The following SPAG17 variants were observed in gnomAD, a reference collection of about 807,000 sequenced individuals.
SPAG17 encodes sperm associated antigen 17.
SPAG17 carries 169 observed loss-of-function variants against 273.6 expected under a neutral mutation model. The ratio of observed to expected loss-of-function variants is 0.62; its 90% CI spans 0.55 to 0.70. The LOEUF is 0.70. Among genes scored for constraint, SPAG17 ranks in the 30% least tolerant of loss-of-function variants. The pLI is 0.00. For missense variants in SPAG17, 2,557 were observed against 2,627.8 expected (o/e 0.97, Z 0.59); for synonymous variants, 825 against 873.2 (o/e 0.94, Z 0.97).
At chr1:118,060,329 T>C (rs560572694) in intron 18 of SPAG17, among the ~76,000 whole-genome samples, 2 of 152,242 alleles carry the variant, frequency 1.3e-5, no homozygotes, top group African/African-American at 4.8e-5. Flanking sequence ...TTCCATTTTT[T>C]AGAGATGTGG....
At chr1:118,040,041 T>C (rs2101921605) in intron 22 of SPAG17, among the ~76,000 whole-genome samples, 1 of 152,278 alleles carries the variant, frequency 6.6e-6, no homozygotes, top group Non-Finnish European at 1.5e-5. Context: ...TGTTAAATGG[T>C]TTTGCAACTT....
rs764382675 is a variant in SPAG17, at chr1:118,039,409, T to A, written c.3202A>T (p.Asn1068Tyr). 1.2e-6 allele frequency: 2 copies of A among 1,613,570 alleles called. No individual in the cohort carries two copies. The highest frequency in any genetic ancestry group is 2.2e-5 in the South Asian group (2 of 91,060). ...TFIKVRVVKD[N>Y]HNFMIHLNDP... ...TTTAAATGAATCATAAAATTGTGGT[T>A]GTCCTTTACCACTCTCACTTTGATA... is the stretch of plus-strand genomic sequence containing the variant. Residue 1068 changes from asparagine to tyrosine, a missense_variant, in exon 23 of 49, where the codon AAC becomes TAC. By Grantham distance (143) the Asn-to-Tyr change is moderately radical. Transcript: ENST00000336338.
chr1:118,053,976 T>A (rs1392226844), intron 20 of SPAG17, 26 bp downstream of exon 20: 1 of 1,565,320 alleles, frequency 6.4e-7, no homozygotes, highest in Admixed American at 1.7e-5. Context: ...TTGCCTGTTT[T>A]TTAAACTTTA....
chr1:118,031,844 T>A lies in SPAG17; in HGVS notation c.3457A>T (p.Thr1153Ser). 6.2e-7 allele frequency: 1 copy of A among 1,603,292 alleles called. No individual in the cohort carries two copies. Residue 1153 changes from threonine to serine, a missense_variant, in exon 25 of 49, where the codon ACA becomes TCA. By Grantham distance (58) the Thr-to-Ser change is moderately conservative. Coordinates refer to ENST00000336338, the MANE Select transcript of SPAG17 (RefSeq NM_206996.4). ...AGTGCTGAAGGGATATTCAATATTGTTTCTAAATCAGGATCCTTATCTTCT... is the reference window on the plus strand; with the variant it reads ...AGTGCTGAAGGGATATTCAATATTGATTCTAAATCAGGATCCTTATCTTCT... ...APEDKDPDLE[T>S]ILNIPSALTP...
chr1:118,179,373 A>G (rs1398252193), intron 1 of SPAG17, among the ~76,000 whole-genome samples: 5 of 151,998 alleles, frequency 3.3e-5, no homozygotes, highest in African/African-American at 1.2e-4. Flanking sequence ...AATGCTGGGA[A>G]AACTGGATAT....
At chr1:118,000,659 T>C (rs1658176780) in intron 32 of SPAG17, among the ~76,000 whole-genome samples, 1 of 152,250 alleles carries the variant, frequency 6.6e-6, no homozygotes, top group Non-Finnish European at 1.5e-5. Context: ...TTGTGATTTT[T>C]GCACATTGAT....
chr1:117,994,359 A>T, intron 35 of SPAG17, 47 bp downstream of exon 35: 1 of 1,569,852 alleles, frequency 6.4e-7, no homozygotes, highest in East Asian at 2.3e-5. Context: ...TTGCCCTTGG[A>T]TGGATGTATA....
chr1:118,153,547 C>T (rs955889300), intron 1 of SPAG17, among the ~76,000 whole-genome samples: 1 of 152,028 alleles, frequency 6.6e-6, no homozygotes, highest in African/African-American at 2.4e-5. Flanking sequence ...GTGTATAGGC[C>T]TTCAAAAATA....
At position 118,184,489 on chromosome 1, in the gene SPAG17, G is replaced by A. The variant is rs1661088818; in HGVS notation, c.87+582C>T. Among the ~76,000 whole-genome samples the A allele has an allele frequency of 2.0e-5, 3 of 152,070 alleles. No individual in the cohort carries two copies. In the South Asian group the frequency reaches 6.2e-4, roughly 32 times the overall value. On this transcript the variant is annotated intron_variant, in intron 1 of 48. Transcript: ENST00000336338. ...GTGGCATTCTGTGGGTAAGTTGGCC[G>A]CCAACCCCTCATTGCTCTGATCTCC...
chr1:117,958,853 G>A, intron 48 of SPAG17: 1 of 1,300,924 alleles, frequency 7.7e-7, no homozygotes, highest in Admixed American at 2.0e-5. Context: ...GTTTCTAGAA[G>A]GGTTAAGTAG....
intron 38 of SPAG17, 58 bp from the exon 39 acceptor site, chr1:117,988,262 T>C (rs1656662549): frequency 8.0e-7 from 1 of 1,253,972 alleles, no homozygotes; most frequent in African/African-American, 1.5e-5. Flanking sequence ...CAACACACAA[T>C]CAGTACACAA....
intron 20 of SPAG17, among the ~76,000 whole-genome samples, chr1:118,048,374 T>C (rs144283019): frequency 3.3e-4 from 50 of 151,734 alleles, no homozygotes; most frequent in African/African-American, 1.2e-3. Context: ...AGAGCAGACC[T>C]AAGCTCCAGG....
chr1:118,027,414 G>A (rs572620061), intron 26 of SPAG17, among the ~76,000 whole-genome samples: 3 of 152,310 alleles, frequency 2.0e-5, no homozygotes, highest in African/African-American at 7.2e-5. Flanking sequence ...CTTTTCAAAT[G>A]TGGTATACAT....
intron 4 of SPAG17, among the ~76,000 whole-genome samples, chr1:118,109,383 T>TA (rs56023474): frequency 0.38 from 44,669 of 116,062 alleles, 9,593 homozygotes; most frequent in Non-Finnish European, 0.51. Flanking sequence ...CCATCTTTAC[T>TA]AAAAAAAAAA....
At chr1:118,037,802 T>C (rs1649262330) in intron 23 of SPAG17, among the ~76,000 whole-genome samples, 1 of 152,176 alleles carries the variant, frequency 6.6e-6, no homozygotes. Context: ...AAAACACACA[T>C]CTGAAGGTAT....
chr1:117,987,843 T>C lies in SPAG17; in HGVS notation c.5660A>G (p.Asp1887Gly), dbSNP rs1571157310. Residue 1887 changes from aspartate (D) to glycine (G), a missense_variant, in exon 40 of 49, where the codon GAC (aspartate) becomes GGC (glycine). Asp to Gly is a moderately conservative substitution (Grantham distance 94, BLOSUM62 -1). Coordinates refer to ENST00000336338, the MANE Select transcript of SPAG17 (RefSeq NM_206996.4). ...TTTGGGGTATAATTACCTCGTTTTG[T>C]CTATCTTTTCTTTCCAGCGTTTTGA... is the stretch of plus-strand genomic sequence containing the variant. Reference protein sequence around the residue: ...ASSKRWKEKIDKTRKEIETTQ... With the variant: ...ASSKRWKEKIGKTRKEIETTQ... 4 of 1,612,432 alleles carry C rather than the reference T, an allele frequency of 2.5e-6. No individual in the cohort carries two copies. In the East Asian group the frequency reaches 8.9e-5, roughly 36 times the overall value.
intron 3 of SPAG17, among the ~76,000 whole-genome samples, chr1:118,117,633 G>C (rs933530137): frequency 5.3e-5 from 8 of 152,126 alleles, no homozygotes; most frequent in Non-Finnish European, 1.0e-4. Context: ...TACAGACACA[G>C]AGAGAGAGAG....
At chr1:118,142,357 G>A (rs1658728291) in intron 3 of SPAG17, among the ~76,000 whole-genome samples, 1 of 152,162 alleles carries the variant, frequency 6.6e-6, no homozygotes, top group Non-Finnish European at 1.5e-5. Flanking sequence ...AATGGATATA[G>A]AGCTTCAGTT....
At chr1:118,022,464 C>T (rs1441993204) in intron 28 of SPAG17, among the ~76,000 whole-genome samples, 1 of 151,950 alleles carries the variant, frequency 6.6e-6, no homozygotes, top group African/African-American at 2.4e-5. Context: ...AGATGTTTAA[C>T]CTCACCAGCA....
Sources: gnomAD v4.1 joint callset for allele counts (sites outside exome capture counted in the v4.1 genomes callset) on GRCh38, gnomAD v4.1.1 for gene constraint, MANE v1.5 for transcripts, NCBI Gene and HGNC (gene_info 2026-07-23, HGNC 2026-07-21) for gene names.